The following LRRK2 variants were observed in gnomAD, a reference collection of about 807,000 sequenced individuals.
LRRK2 encodes the protein leucine-rich repeat serine/threonine-protein kinase 2.
In LRRK2, 203 loss-of-function variants were observed where a neutral mutation model predicts 302.6. The ratio of observed to expected loss-of-function variants is 0.67; its 90% confidence interval spans 0.60 to 0.75. LRRK2 has a LOEUF of 0.75. Ranked by LOEUF, LRRK2 falls within the 30% of genes least tolerant of loss-of-function variation. The pLI is 0.00. For missense variants in LRRK2, 2,830 were observed against 2,951.0 expected, an observed-to-expected ratio of 0.96 and a Z score of 0.95; for synonymous variants, 1,066 against 1,031.9, an observed-to-expected ratio of 1.03 and a Z score of -0.63.
chr12:40,264,675 C>T (rs548275458), intron 14 of LRRK2, among the ~76,000 whole-genome samples: 10 of 152,264 alleles, frequency 6.6e-5, no homozygotes, highest in East Asian at 1.9e-4. Context: ...TGATTCCCTA[C>T]GCTCCTTTTC....
At position 40,367,647 on chromosome 12, in the gene LRRK2, T is replaced by C. The variant is rs748875047; in HGVS notation, c.7466T>C (p.Ile2489Thr). ...TTTCATTTTTTTCTTTTTCTAGAGA[T>C]ACAATCTTGCTTGACCGTTTGGGAC... Reference protein sequence around the residue: ...NTEGTQKQKEIQSCLTVWDIN... With the variant: ...NTEGTQKQKETQSCLTVWDIN... The change falls in exon 51 of 51, where the codon ATA becomes ACA. Residue 2489 changes from isoleucine to threonine, a missense_variant. Coordinates refer to ENST00000298910, the MANE Select transcript of LRRK2 (RefSeq NM_198578.4). The C allele has an allele frequency of 1.2e-6, 2 of 1,602,312 alleles. No homozygotes were observed. The highest frequency in any genetic ancestry group is 1.7e-6 in the Non-Finnish European group (2 of 1,173,582).
intron 14 of LRRK2, among the ~76,000 whole-genome samples, chr12:40,266,105 G>A (rs17490872): frequency 0.032 from 4,857 of 152,286 alleles, 256 homozygotes; most frequent in African/African-American, 0.11. Context: ...AGGCCTTCAT[G>A]TCTAAAACAC....
intron 49 of LRRK2, 166 bp downstream of exon 49, chr12:40,365,216 AG>A (rs1202930857): frequency 1.6e-6 from 1 of 637,020 alleles, no homozygotes; most frequent in East Asian, 2.8e-5. Context: ...GGGTCATTAC[AG>A]AAGTGGAGGG....
intron 18 of LRRK2, among the ~76,000 whole-genome samples, chr12:40,280,198 C>T (rs574471189): frequency 6.6e-6 from 1 of 152,276 alleles, no homozygotes; most frequent in African/African-American, 2.4e-5. Flanking sequence ...CATCTGTAAT[C>T]CCAACACTTT....
intron 40 of LRRK2, among the ~76,000 whole-genome samples, chr12:40,336,276 A>T (rs1203753245): frequency 6.6e-6 from 1 of 152,198 alleles, no homozygotes; most frequent in Non-Finnish European, 1.5e-5. Flanking sequence ...GATTATCTGA[A>T]TCTTTCTGAA....
chr12:40,327,966 G>A (rs1013404629), intron 38 of LRRK2, among the ~76,000 whole-genome samples: 2 of 152,192 alleles, frequency 1.3e-5, no homozygotes, highest in African/African-American at 4.8e-5. Context: ...GGTAATAAAT[G>A]TGGCTTTTGA....
chr12:40,340,383 CAA>C lies in LRRK2; in HGVS notation c.6040_6041del (p.Lys2014AspfsTer3). On this transcript the variant is annotated frameshift_variant, in exon 41 of 51. Transcript: ENST00000298910. LOFTEE classifies it high-confidence loss of function. ...CTGTATCCCAATGCTGCCATCATTG[CAA>C]AGATTGCTGACTACGGCATTGCTCA... 6.2e-7 allele frequency: 1 copy of C among 1,613,780 alleles called. No homozygotes were observed. Among genetic ancestry groups the C allele is most frequent in the Non-Finnish European group, 8.5e-7 (1 of 1,179,830 alleles).
chr12:40,333,518 A>G (rs1300938399), intron 39 of LRRK2, among the ~76,000 whole-genome samples: 3 of 152,050 alleles, frequency 2.0e-5, no homozygotes, highest in Non-Finnish European at 4.4e-5. Context: ...AAGCCCAACA[A>G]TGTCATAAAA....
intron 38 of LRRK2, among the ~76,000 whole-genome samples, chr12:40,325,063 G>A (rs552964187): frequency 2.1e-4 from 32 of 152,260 alleles, no homozygotes; most frequent in Non-Finnish European, 3.7e-4. Flanking sequence ...CGAGGTGGGT[G>A]TATCACGAGG....
chr12:40,246,650 A>C (rs1399689098), intron 7 of LRRK2, among the ~76,000 whole-genome samples: 2 of 152,074 alleles, frequency 1.3e-5, no homozygotes, highest in African/African-American at 4.8e-5. Context: ...CTGAGGACTT[A>C]AATTAAAGAT....
chr12:40,228,433 C>CTTTTTTTTTTTTTTTTTTTT (rs35333613), intron 2 of LRRK2, among the ~76,000 whole-genome samples: 2 of 19,312 alleles, frequency 1.0e-4, no homozygotes, highest in Non-Finnish European at 1.8e-4. Context: ...AAAAATAAGA[C>CTTTTTTTTTTTTTTTTTTTT]TTTTTTTTTT....
At position 40,323,266 on chromosome 12, in the gene LRRK2, T is replaced by G. The variant is rs1456216110; in HGVS notation, c.5616T>G (p.Asn1872Lys). The G allele has an allele frequency of 6.2e-7, 1 of 1,613,036 alleles. No individual in the cohort carries two copies. The highest frequency in any genetic ancestry group is 8.5e-7 in the Non-Finnish European group (1 of 1,179,416). Residue 1872 changes from asparagine to lysine, a missense_variant, in exon 38 of 51, where the codon AAT becomes AAG. By Grantham distance (94) the Asn-to-Lys change is moderately conservative. Coordinates refer to ENST00000298910, the MANE Select transcript of LRRK2 (RefSeq NM_198578.4). ...TGCCTAGAAATATTATGTTGAATAA[T>G]GATGAGTTGGAATTTGAACAAGCTC... ...ADLPRNIMLNNDELEFEQAPE... is the reference protein window; with the variant it reads ...ADLPRNIMLNKDELEFEQAPE...
Position 40,251,333 on chromosome 12 carries a change from T to TA in LRRK2, c.1061dup (p.Tyr354Ter). ...TAAATTGTTTTGGCTGGAAGCCTGT[T>TA]ACAAAGCATTAACGTGGCATAGAAA... ...EDKLFWLEAC[Y>*]KALTWHRKNK... The change falls in exon 9 of 51, where the codon TAC becomes TAAC. Residue 354 changes from tyrosine to a stop codon, truncating the protein, a stop_gained and frameshift_variant. Transcript: ENST00000298910. LOFTEE classifies it high-confidence loss of function. The TA allele has an allele frequency of 1.2e-6, 2 of 1,613,998 alleles. No individual in the cohort carries two copies. Among genetic ancestry groups the TA allele is most frequent in the Non-Finnish European group, 1.7e-6 (2 of 1,179,904 alleles).
chr12:40,307,499 C>G (rs1944865810), intron 28 of LRRK2, among the ~76,000 whole-genome samples: 1 of 152,018 alleles, frequency 6.6e-6, no homozygotes, highest in Non-Finnish European at 1.5e-5. Flanking sequence ...GGAATGAAAG[C>G]TAACATCTGC....
intron 47 of LRRK2, 105 bp from the exon 48 acceptor site, chr12:40,363,297 C>A: frequency 1.0e-6 from 1 of 972,746 alleles, no homozygotes. Flanking sequence ...GTTTAGTTTT[C>A]AAAATAGTGT....
At chr12:40,343,257 C>CTCCG (rs1555193291) in intron 41 of LRRK2, among the ~76,000 whole-genome samples, 3 of 151,834 alleles carry the variant, frequency 2.0e-5, no homozygotes, top group Non-Finnish European at 2.9e-5. Flanking sequence ...TCAACATTAA[C>CTCCG]TCAGTCAGAT....
At chr12:40,342,451 T>TCTCAC (rs370623976) in intron 41 of LRRK2, among the ~76,000 whole-genome samples, 1 of 151,126 alleles carries the variant, frequency 6.6e-6, no homozygotes, top group African/African-American at 2.4e-5. Context: ...TGCCTACTCT[T>TCTCAC]CTCACAGGCT....
At chr12:40,272,689 G>A (rs1319879633) in intron 14 of LRRK2, among the ~76,000 whole-genome samples, 3 of 152,246 alleles carry the variant, frequency 2.0e-5, no homozygotes, top group Non-Finnish European at 4.4e-5. Context: ...GATGGGTAAA[G>A]GAATGATTTT....
At chr12:40,266,845 C>A (rs1335680295) in intron 14 of LRRK2, among the ~76,000 whole-genome samples, 4 of 151,980 alleles carry the variant, frequency 2.6e-5, no homozygotes, top group African/African-American at 9.7e-5. Flanking sequence ...AGTTCATGTC[C>A]TTTGTAGGGA....
Sources: gnomAD v4.1 joint callset for allele counts (sites outside exome capture counted in the v4.1 genomes callset) on GRCh38, gnomAD v4.1.1 for gene constraint, MANE v1.5 for transcripts, NCBI Gene and HGNC (gene_info 2026-07-23, HGNC 2026-07-21) for gene names.